Variants in ATG2B observed in about 807,000 individuals in gnomAD.
ATG2B encodes autophagy-related protein 2 homolog B.
In ATG2B, 121 loss-of-function variants were observed where a neutral mutation model predicts 241.3. The observed-to-expected ratio is 0.50, with a 90% CI of 0.43 to 0.58. The LOEUF (loss-of-function observed/expected upper bound fraction) is 0.58, where lower values mean the gene tolerates loss of function less well. Ranked by LOEUF, ATG2B falls within the 20% of genes least tolerant of loss-of-function variation. The pLI is 0.00. For synonymous variants in ATG2B, 858 were observed against 876.6 expected (o/e 0.98, Z 0.37); for missense variants, 2,306 against 2,491.6 (o/e 0.93, Z 1.59).
At position 96,349,600 on chromosome 14, in the gene ATG2B, G is replaced by A. The variant is rs138778051; in HGVS notation, c.163-2259C>T. Among the ~76,000 whole-genome samples the A allele has an allele frequency of 5.4e-3, 820 of 152,314 alleles. 27 individuals carry two copies. In the South Asian group the frequency reaches 0.067, roughly 12 times the overall value. On this transcript the variant is annotated intron_variant, in intron 1 of 41. Coordinates refer to ENST00000359933, the MANE Select transcript of ATG2B (RefSeq NM_018036.7). ...TTGTAACATATTTAGGAAGTAGAAT[G>A]ATTAATTGGCATCATGAGGGGTAAA...
At chr14:96,299,405 C>G (rs184473950) in intron 34 of ATG2B, among the ~76,000 whole-genome samples, 2 of 152,326 alleles carry the variant, frequency 1.3e-5, no homozygotes, top group Non-Finnish European at 2.9e-5. Context: ...TTAAAACTAT[C>G]TCTTTTATGT....
At chr14:96,361,577 C>A (rs1263913323) in intron 1 of ATG2B, among the ~76,000 whole-genome samples, 1 of 152,164 alleles carries the variant, frequency 6.6e-6, no homozygotes, top group African/African-American at 2.4e-5. Flanking sequence ...GAATCCCTAT[C>A]TTTTGGAAGA....
chr14:96,289,852 AAG>A lies in ATG2B; in HGVS notation c.5857-49_5857-48del, dbSNP rs773343738. The A allele has an allele frequency of 1.2e-6, 2 of 1,606,614 alleles. No individual in the cohort carries two copies. Among genetic ancestry groups the A allele is most frequent in the Non-Finnish European group, 1.7e-6 (2 of 1,174,858 alleles). On this transcript the variant is annotated intron_variant, in intron 40 of 41. Transcript: ENST00000359933. The surrounding 1 kb of genome is among the most constrained non-coding windows in gnomAD (Gnocchi z 4.3). ...AAGAAATGAATTAGAAGAAAGTCTG[AAG>A]AGTTACGGACCAGCAGAGCACTTCC...
intron 6 of ATG2B, among the ~76,000 whole-genome samples, chr14:96,337,371 G>A (rs1373694999): frequency 6.6e-6 from 1 of 152,074 alleles, no homozygotes; most frequent in Non-Finnish European, 1.5e-5. Context: ...AAGTTTCCTG[G>A]TTCTCCATAA....
chr14:96,306,817 G>C lies in ATG2B; in HGVS notation c.4403C>G (p.Thr1468Ser). The change falls in exon 30 of 42, where the codon ACC (threonine) becomes AGC (serine). Residue 1468 changes from threonine (T) to serine (S), a missense_variant. By Grantham distance (58) the Thr-to-Ser change is moderately conservative. Around this residue, in one of 2 missense-constraint regions of ATG2B, gnomAD observed 1,927 missense variants for 2,011.2 expected, o/e 0.96. Coordinates refer to ENST00000359933, the MANE Select transcript of ATG2B (RefSeq NM_018036.7). ...SGNVSQESGP[T>S]YASFSHHFIS... ...GAAATGGTGAGAGAATGAGGCATAGGTGGGGCCGGACTCCTGGGATACATT... is the reference window on the plus strand; with the variant it reads ...GAAATGGTGAGAGAATGAGGCATAGCTGGGGCCGGACTCCTGGGATACATT... 6.2e-7 allele frequency: 1 copy of C among 1,614,086 alleles called. No homozygotes were observed. Among genetic ancestry groups the C allele is most frequent in the Non-Finnish European group, 8.5e-7 (1 of 1,180,010 alleles).
intron 1 of ATG2B, among the ~76,000 whole-genome samples, chr14:96,348,743 C>T (rs2139901523): frequency 6.6e-6 from 1 of 151,464 alleles, no homozygotes; most frequent in East Asian, 1.9e-4. Flanking sequence ...ATTTATTGTA[C>T]ATTTTTAAAT....
In ATG2B at chr14:96,285,713, T is replaced by C. The variant is rs979031570; in HGVS notation, c.*42A>G. ...AGCTGCTGTCAGGACTCTGAGCTCC[T>C]GGTTCCACTCTCCTTATCTTCACAC... On this transcript the variant is annotated 3_prime_UTR_variant, in exon 42 of 42. Transcript: ENST00000359933. This position sits in a 1 kb window ranked among gnomAD's most constrained non-coding sequence, Gnocchi z 4.2. 1.3e-6 allele frequency: 2 copies of C among 1,581,252 alleles called. No homozygotes were observed. Among genetic ancestry groups the C allele is most frequent in the South Asian group, 1.1e-5 (1 of 90,036 alleles).
At chr14:96,315,065 C>T (rs1887269559) in intron 23 of ATG2B, 89 bp downstream of exon 23, 2 of 896,458 alleles carry the variant, frequency 2.2e-6, no homozygotes, top group Non-Finnish European at 3.5e-6. Flanking sequence ...CTGAGCTGAA[C>T]ATTTATGACT....
At chr14:96,304,458 C>T in intron 32 of ATG2B, 37 bp downstream of exon 32, 2 of 1,515,690 alleles carry the variant, frequency 1.3e-6, no homozygotes, top group Non-Finnish European at 9.2e-7. Flanking sequence ...CGCCAATATC[C>T]TACTTAAGTG....
intron 1 of ATG2B, 46 bp downstream of exon 1, chr14:96,362,769 A>G (rs201912169): frequency 6.4e-7 from 1 of 1,572,178 alleles, no homozygotes; most frequent in South Asian, 1.1e-5. Context: ...AAAGCGCCCT[A>G]AAGAGGGGAG....
In ATG2B at chr14:96,283,461, C is replaced by G. The variant is rs999212685; in HGVS notation, c.*2294G>C. 1 of 152,154 alleles carries G rather than the reference C, an allele frequency of 6.6e-6. No individual in the cohort carries two copies. The highest frequency in any genetic ancestry group is 2.4e-5 in the African/African-American group (1 of 41,420). The allele number at this position is 152,154 out of a possible 1,614,324, so 9.4% of individuals were successfully genotyped here. On this transcript the variant is annotated 3_prime_UTR_variant, in exon 42 of 42. Coordinates refer to ENST00000359933, the MANE Select transcript of ATG2B (RefSeq NM_018036.7). ...TGAGGCTCTGTACAAAGCATGACGCCACATGTGATCATTCTCACACGCACA... is the reference window on the plus strand; with the variant it reads ...TGAGGCTCTGTACAAAGCATGACGCGACATGTGATCATTCTCACACGCACA...
chr14:96,361,934 TGGGCAAAG>T (rs1888643898), intron 1 of ATG2B, among the ~76,000 whole-genome samples: 1 of 152,174 alleles, frequency 6.6e-6, no homozygotes, highest in African/African-American at 2.4e-5. Flanking sequence ...AAGTAAGGGT[TGGGCAAAG>T]GGTAGAAGTC....
Position 96,290,105 on chromosome 14 carries a change from T to G in ATG2B, c.5857-300A>C. Reference sequence around the variant, plus strand: ...TGGAGCTTAATACTTACTAGAATGATCTTTAATACTTCTGTTTAATCTACA... The same window carrying G: ...TGGAGCTTAATACTTACTAGAATGAGCTTTAATACTTCTGTTTAATCTACA... On this transcript the variant is annotated intron_variant, in intron 40 of 41. Coordinates refer to ENST00000359933, the MANE Select transcript of ATG2B (RefSeq NM_018036.7). This position sits in a 1 kb window ranked among gnomAD's most constrained non-coding sequence, Gnocchi z 4.4. 1 of 1,228,262 alleles carries G rather than the reference T, an allele frequency of 8.1e-7. No homozygotes were observed. Among genetic ancestry groups the G allele is most frequent in the Non-Finnish European group, 1.0e-6 (1 of 973,656 alleles). The allele number at this position is 1,228,262 out of a possible 1,614,324, so 76.1% of individuals were successfully genotyped here. A position where few individuals can be genotyped will look rare whatever the true frequency, so the allele number is the denominator to read the frequency against.
At chr14:96,313,505 C>A (rs868844021) in intron 23 of ATG2B, 70 bp from the exon 24 acceptor site, 8 of 640,350 alleles carry the variant, frequency 1.2e-5, no homozygotes, top group African/African-American at 1.9e-5. Flanking sequence ...ATCCTTAATA[C>A]CAATGTAAAC....
chr14:96,355,585 A>G (rs1472336708), intron 1 of ATG2B, among the ~76,000 whole-genome samples: 1 of 152,194 alleles, frequency 6.6e-6, no homozygotes, highest in Non-Finnish European at 1.5e-5. Context: ...TACTGTGACC[A>G]TTAATGAGGT....
chr14:96,300,680 T>C (rs982113509), intron 34 of ATG2B, among the ~76,000 whole-genome samples: 2 of 152,252 alleles, frequency 1.3e-5, no homozygotes, highest in Non-Finnish European at 2.9e-5. Context: ...AATATATGGA[T>C]AAATTTAGTT....
At chr14:96,331,738 T>A (rs1050899833) in intron 10 of ATG2B, 101 bp from the exon 11 acceptor site, 45 of 934,408 alleles carry the variant, frequency 4.8e-5, no homozygotes, top group Non-Finnish European at 6.9e-5. Context: ...AAACAGATGA[T>A]CATACAACAG....
At chr14:96,306,648 A>C in intron 30 of ATG2B, 66 bp downstream of exon 30, 1 of 1,372,832 alleles carries the variant, frequency 7.3e-7, no homozygotes, top group Non-Finnish European at 9.9e-7. Flanking sequence ...AATTTTCTCC[A>C]GGTACCCTTT....
intron 1 of ATG2B, among the ~76,000 whole-genome samples, chr14:96,348,480 C>T (rs1051839034): frequency 6.6e-6 from 1 of 152,020 alleles, no homozygotes; most frequent in African/African-American, 2.4e-5. Flanking sequence ...GTCAGCAGTT[C>T]GAGACCAGCC....
Sources: gnomAD v4.1 joint callset for allele counts (sites outside exome capture counted in the v4.1 genomes callset) on GRCh38, gnomAD v4.1.1 for gene constraint, gnomAD v4.1.1 regional missense constraint, Gnocchi (gnomAD v3.1) non-coding constraint, MANE v1.5 for transcripts, NCBI Gene and HGNC (gene_info 2026-07-23, HGNC 2026-07-21) for gene names.